The following CD247 variants were observed in gnomAD, a reference collection of about 807,000 sequenced individuals.
CD247 encodes the protein CD247 molecule, also known as T-cell surface glycoprotein CD3 zeta chain.
A neutral mutation model predicts 30.0 loss-of-function variants in CD247; 13 were observed. The observed-to-expected ratio is 0.43, with a 90% CI of 0.28 to 0.69. The LOEUF is 0.69. CD247 is among the 30% of genes least tolerant of loss of function. The pLI, the probability that CD247 is intolerant of heterozygous loss-of-function variation, is 0.16. For synonymous variants in CD247, 72 were observed against 80.0 expected, an observed-to-expected ratio of 0.90 and a Z score of 0.53; for missense variants, 193 against 212.6, an observed-to-expected ratio of 0.91 and a Z score of 0.57.
chr1:167,505,462 G>GCTGC (rs775175516), intron 1 of CD247, among the ~76,000 whole-genome samples: 13 of 152,142 alleles, frequency 8.5e-5, no homozygotes, highest in Non-Finnish European at 1.6e-4. Flanking sequence ...TAGCTTTCTT[G>GCTGC]CTGCCTGCCT....
chr1:167,449,432 G>T (rs953293229), intron 1 of CD247, among the ~76,000 whole-genome samples: 4 of 151,658 alleles, frequency 2.6e-5, no homozygotes, highest in Admixed American at 2.6e-4. Context: ...GGGATTACAG[G>T]TGTGAGCCAC....
chr1:167,473,285 T>C (rs1653609220), intron 1 of CD247, among the ~76,000 whole-genome samples: 1 of 152,170 alleles, frequency 6.6e-6, no homozygotes, highest in Non-Finnish European at 1.5e-5. Flanking sequence ...AAGTGTGGTT[T>C]CTCCTGCTCC....
At chr1:167,469,425 G>A (rs564832989) in intron 1 of CD247, among the ~76,000 whole-genome samples, 4 of 152,310 alleles carry the variant, frequency 2.6e-5, no homozygotes, top group African/African-American at 4.8e-5. Flanking sequence ...GGAATTCACT[G>A]GAGAAGGAAA....
intron 1 of CD247, among the ~76,000 whole-genome samples, chr1:167,492,061 G>A (rs544176280): frequency 3.3e-5 from 5 of 152,228 alleles, no homozygotes; most frequent in African/African-American, 7.2e-5. Context: ...TGATGGTTGC[G>A]CAACAATATG....
At chr1:167,467,061 A>G (rs1299910767) in intron 1 of CD247, among the ~76,000 whole-genome samples, 1 of 151,708 alleles carries the variant, frequency 6.6e-6, no homozygotes, top group Non-Finnish European at 1.5e-5. Context: ...GATGGTCTCG[A>G]TTTCCTGACC....
At chr1:167,490,156 G>A (rs1017601349) in intron 1 of CD247, among the ~76,000 whole-genome samples, 1 of 152,126 alleles carries the variant, frequency 6.6e-6, no homozygotes, top group African/African-American at 2.4e-5. Context: ...CTACGGCGGC[G>A]GAAAGATCGG....
intron 1 of CD247, among the ~76,000 whole-genome samples, chr1:167,481,582 G>C (rs1203757521): frequency 6.6e-6 from 1 of 152,174 alleles, no homozygotes; most frequent in Admixed American, 6.5e-5. Context: ...ATCATTTTGT[G>C]TGAAATGTCT....
chr1:167,441,466 A>G (rs1285204331), intron 1 of CD247, among the ~76,000 whole-genome samples: 2 of 152,068 alleles, frequency 1.3e-5, no homozygotes, highest in African/African-American at 4.8e-5. Flanking sequence ...CCATGGCCTC[A>G]GCCTTCTCTG....
At chr1:167,447,386 GCCTC>G (rs1652133963) in intron 1 of CD247, among the ~76,000 whole-genome samples, 1 of 151,914 alleles carries the variant, frequency 6.6e-6, no homozygotes, top group Admixed American at 6.6e-5. Flanking sequence ...GGCACTTCTG[GCCTC>G]TGCTTGAATA....
intron 1 of CD247, among the ~76,000 whole-genome samples, chr1:167,444,459 A>G (rs1013939951): frequency 2.0e-5 from 3 of 152,188 alleles, no homozygotes; most frequent in Non-Finnish European, 4.4e-5. Context: ...TTTCTGTAAA[A>G]GTGGAGAAGC....
intron 1 of CD247, among the ~76,000 whole-genome samples, chr1:167,457,926 G>A (rs1038929952): frequency 2.6e-5 from 4 of 152,202 alleles, no homozygotes; most frequent in African/African-American, 9.7e-5. Context: ...TCAGATAATT[G>A]AGAGAATGAT....
rs1553232218 is a variant in CD247, at chr1:167,465,327, C to CTTTTTCT, written c.59-24561_59-24560insAGAAAAA. 1.0e-3 allele frequency among the ~76,000 whole-genome samples: 116 copies of CTTTTTCT among 115,344 alleles called. No individual in the cohort carries two copies. The East Asian group carries it at 0.026, about 26-fold the overall frequency. 75.7% of individuals were successfully genotyped at this position (115,344 alleles called of 152,430 possible). ...CCACCTTCCTTTTTTTTTTCTTTTT[C>CTTTTTCT]TTTTTTTTTTTTTTTTTTGAGATGG... On this transcript the variant is annotated intron_variant, in intron 1 of 7. Coordinates refer to ENST00000362089, the MANE Select transcript of CD247 (RefSeq NM_198053.3).
intron 1 of CD247, among the ~76,000 whole-genome samples, chr1:167,468,463 G>A (rs949521409): frequency 6.6e-6 from 1 of 152,120 alleles, no homozygotes; most frequent in African/African-American, 2.4e-5. Flanking sequence ...AGGCCTCTCT[G>A]ATGGGAGCTC....
Position 167,485,276 on chromosome 1 carries a change from C to T in CD247, c.58+33132G>A, listed in dbSNP as rs531932119. ...TCAGCCCATCCAAGAGCAGACAGAC[C>T]CCTGCACGCCCTGCTCACAGCTCTG... On this transcript the variant is annotated intron_variant, in intron 1 of 7. Coordinates refer to ENST00000362089, the MANE Select transcript of CD247 (RefSeq NM_198053.3). 4.6e-5 allele frequency among the ~76,000 whole-genome samples: 7 copies of T among 152,282 alleles called. No homozygotes were observed. In the South Asian group the frequency reaches 1.5e-3, roughly 32 times the overall value.
intron 4 of CD247, among the ~76,000 whole-genome samples, chr1:167,436,249 G>A (rs544921433): frequency 4.6e-5 from 7 of 152,150 alleles, no homozygotes; most frequent in Non-Finnish European, 1.0e-4. Flanking sequence ...AAAAGCATTT[G>A]ACAAAATTTA....
At chr1:167,490,055 A>G (rs959361204) in intron 1 of CD247, among the ~76,000 whole-genome samples, 2 of 151,642 alleles carry the variant, frequency 1.3e-5, no homozygotes, top group African/African-American at 2.4e-5. Context: ...CAAATAGGGA[A>G]CTGTGGAGCG....
chr1:167,447,048 G>C (rs1652118667), intron 1 of CD247, among the ~76,000 whole-genome samples: 1 of 151,980 alleles, frequency 6.6e-6, no homozygotes, highest in Non-Finnish European at 1.5e-5. Flanking sequence ...CACACAGTGG[G>C]AGCTCAGTAG....
intron 1 of CD247, among the ~76,000 whole-genome samples, chr1:167,481,666 A>G (rs1031727714): frequency 6.6e-6 from 1 of 152,210 alleles, no homozygotes; most frequent in Non-Finnish European, 1.5e-5. Flanking sequence ...CAGTGAGCAC[A>G]AGGGTCTCAT....
At position 167,515,802 on chromosome 1, in the gene CD247, C is replaced by T. The variant is rs531797065; in HGVS notation, c.58+2606G>A. ...ACATATTGAAAGCAAATGAAGAATC[C>T]CAGCCATGGGTTTCCATCTCCTGTT... On this transcript the variant is annotated intron_variant, in intron 1 of 7. Coordinates refer to ENST00000362089, the MANE Select transcript of CD247 (RefSeq NM_198053.3). 2.0e-5 allele frequency among the ~76,000 whole-genome samples: 3 copies of T among 152,266 alleles called. No individual in the cohort carries two copies. In the South Asian group the frequency reaches 6.2e-4, roughly 32 times the overall value.
Sources: allele counts gnomAD v4.1 joint callset (sites outside exome capture counted in the v4.1 genomes callset), GRCh38; gene constraint gnomAD v4.1.1; transcripts MANE v1.5; gene names NCBI Gene and HGNC (gene_info 2026-07-23, HGNC 2026-07-21).